Variants in GOT2 observed in about 807,000 individuals in gnomAD.
GOT2 encodes the protein aspartate aminotransferase, mitochondrial.
Under a neutral mutation model 50.0 loss-of-function variants are expected in GOT2, and 17 were observed. The observed-to-expected ratio is 0.34, with a 90% CI of 0.23 to 0.51. The LOEUF (loss-of-function observed/expected upper bound fraction) is 0.51. Ranked by LOEUF, GOT2 falls within the 20% of genes least tolerant of loss-of-function variation. The pLI is 0.97. For synonymous variants in GOT2, 172 were observed against 204.9 expected, an observed-to-expected ratio of 0.84 and a Z score of 1.37; for missense variants, 430 against 559.6, an observed-to-expected ratio of 0.77 and a Z score of 2.34.
At chr16:58,719,587 G>C (rs772110684) in intron 3 of GOT2, among the ~76,000 whole-genome samples, 7 of 152,020 alleles carry the variant, frequency 4.6e-5, no homozygotes, top group African/African-American at 4.8e-5. Context: ...GCGAGACCCT[G>C]TCTCTACTAA....
intron 8 of GOT2, among the ~76,000 whole-genome samples, chr16:58,711,759 C>T (rs541798420): frequency 7.2e-5 from 11 of 152,264 alleles, no homozygotes; most frequent in African/African-American, 2.6e-4. Context: ...CAGTTTCCAT[C>T]GTCCAGCTTC....
At chr16:58,715,972 G>C in intron 8 of GOT2, 42 bp downstream of exon 8, 1 of 1,511,908 alleles carries the variant, frequency 6.6e-7, no homozygotes. Flanking sequence ...AGGAGCAGTG[G>C]TGGGAACAGG....
intron 1 of GOT2, among the ~76,000 whole-genome samples, chr16:58,729,062 C>T (rs1053463677): frequency 6.6e-6 from 1 of 151,968 alleles, no homozygotes; most frequent in Non-Finnish European, 1.5e-5. Context: ...ACCCTTCCCC[C>T]TCACTAGTGT....
intron 1 of GOT2, among the ~76,000 whole-genome samples, chr16:58,724,716 T>A (rs1346252200): frequency 6.6e-6 from 1 of 152,128 alleles, no homozygotes; most frequent in Non-Finnish European, 1.5e-5. Flanking sequence ...AATTTTTGTA[T>A]TTTTGGTAGA....
intron 2 of GOT2, among the ~76,000 whole-genome samples, chr16:58,723,146 T>G (rs1329040847): frequency 1.3e-5 from 2 of 152,206 alleles, no homozygotes; most frequent in Non-Finnish European, 1.5e-5. Flanking sequence ...AATGAGGGAA[T>G]GTACAATAGT....
chr16:58,708,429 G>C, intron 9 of GOT2, 136 bp from the exon 10 acceptor site: 1 of 801,992 alleles, frequency 1.2e-6, no homozygotes, highest in Non-Finnish European at 1.9e-6. Flanking sequence ...TGTTAGCTTG[G>C]AATAAAATAA....
At chr16:58,715,332 G>A (rs563156555) in intron 8 of GOT2, among the ~76,000 whole-genome samples, 11 of 152,262 alleles carry the variant, frequency 7.2e-5, no homozygotes, top group African/African-American at 1.4e-4. Context: ...TACTTAACAC[G>A]GAGATGACGG....
Position 58,734,157 on chromosome 16 carries a change from CGCGGCGGCGAGGCCCGGGTGGAAGGCG to C in GOT2, c.45_71del (p.Phe17_Ala25del). On this transcript the variant is annotated inframe_deletion, in exon 1 of 10. Coordinates refer to ENST00000245206, the MANE Select transcript of GOT2 (RefSeq NM_002080.4). ...TGGCTTACCTGGCTCTGGCAGAGGCCGCGGCGGCGAGGCCCGGGTGGAAGGCGGCGGCGATCCCGGGGAGGACGCGGC... is the reference window on the plus strand; with the variant it reads ...TGGCTTACCTGGCTCTGGCAGAGGCCGCGGCGATCCCGGGGAGGACGCGGC... 1 of 1,333,660 alleles carries C rather than the reference CGCGGCGGCGAGGCCCGGGTGGAAGGCG, an allele frequency of 7.5e-7. No homozygotes were observed. The highest frequency in any genetic ancestry group is 2.8e-5 in the East Asian group (1 of 36,008). 82.6% of individuals were successfully genotyped at this position (1,333,660 alleles called of 1,614,324 possible).
In GOT2 at chr16:58,730,647, G is replaced by A. The variant is rs117012453; in HGVS notation, c.89+3493C>T. On this transcript the variant is annotated intron_variant, in intron 1 of 9. Coordinates refer to ENST00000245206, the MANE Select transcript of GOT2 (RefSeq NM_002080.4). ...CCCAAAGTGCTGAGATTACAGGTGTGAGCCACGGCACCTGGCCTAGAGGGA... is the reference window on the plus strand; with the variant it reads ...CCCAAAGTGCTGAGATTACAGGTGTAAGCCACGGCACCTGGCCTAGAGGGA... Among the ~76,000 whole-genome samples the A allele has an allele frequency of 7.0e-4, 107 of 152,256 alleles. 1 individual carries two copies. In the East Asian group the frequency reaches 0.013, roughly 18 times the overall value.
Position 58,723,855 on chromosome 16 carries a change from C to T in GOT2, c.137G>A (p.Gly46Glu), listed in dbSNP as rs1453656777. 6.2e-7 allele frequency: 1 copy of T among 1,613,508 alleles called. No individual in the cohort carries two copies. The highest frequency in any genetic ancestry group is 8.5e-7 in the Non-Finnish European group (1 of 1,179,460). The change falls in exon 2 of 10, where the codon GGA becomes GAA. Residue 46 changes from glycine (G) to glutamate (E), a missense_variant. Gly to Glu is a moderately conservative substitution (Grantham distance 98). Transcript: ENST00000245206. The stretch of plus-strand genomic sequence containing the variant: ...GTCCCTCTTAAAGGCTTCAGTGACT[C>T]CCAGAATGGGATCTGGAGGTCCCAT... ...VEMGPPDPIL[G>E]VTEAFKRDTN...
chr16:58,718,659 G>C lies in GOT2; in HGVS notation c.465C>G (p.Val155=), dbSNP rs1597701193. 1.9e-6 allele frequency: 3 copies of C among 1,589,776 alleles called. No homozygotes were observed. The change falls in exon 5 of 10, where the codon GTC becomes GTG. Residue 155 remains valine, a synonymous_variant. Coordinates refer to ENST00000245206, the MANE Select transcript of GOT2 (RefSeq NM_002080.4). ...TTCCCCAGGTTGGTTTGGGCAGAAAGACATCTCGGCTGAACTTAAAAAATC... is the reference window on the plus strand; with the variant it reads ...TTCCCCAGGTTGGTTTGGGCAGAAACACATCTCGGCTGAACTTAAAAAATC... ...LQRFFKFSRD[V]FLPKPTWGNH...
At chr16:58,719,476 G>A (rs927554845) in intron 3 of GOT2, among the ~76,000 whole-genome samples, 6 of 152,212 alleles carry the variant, frequency 3.9e-5, no homozygotes, top group Admixed American at 6.5e-5. Flanking sequence ...GACACTGAGA[G>A]GCTGGGTGCG....
intron 9 of GOT2, 143 bp downstream of exon 9, chr16:58,709,274 A>C (rs1160936629): frequency 1.4e-6 from 1 of 728,822 alleles, no homozygotes; most frequent in African/African-American, 3.1e-5. Flanking sequence ...ACAAAAACAA[A>C]AACAAAAACA....
At chr16:58,727,105 G>C (rs1434281510) in intron 1 of GOT2, among the ~76,000 whole-genome samples, 1 of 152,118 alleles carries the variant, frequency 6.6e-6, no homozygotes, top group Non-Finnish European at 1.5e-5. Flanking sequence ...AGTGAGCCGA[G>C]AATGCACCAC....
intron 1 of GOT2, among the ~76,000 whole-genome samples, chr16:58,724,795 C>T (rs913646692): frequency 2.0e-5 from 3 of 152,156 alleles, no homozygotes; most frequent in Admixed American, 6.5e-5. Context: ...CTCGCCTTGG[C>T]CTCCCAAAGT....
intron 1 of GOT2, among the ~76,000 whole-genome samples, chr16:58,729,991 T>C (rs1426719285): frequency 6.6e-6 from 1 of 152,148 alleles, no homozygotes; most frequent in African/African-American, 2.4e-5. Context: ...GAAAATGAAG[T>C]ACAGATTAAA....
intron 8 of GOT2, among the ~76,000 whole-genome samples, chr16:58,710,716 CTAAAAATA>C (rs2044639833): frequency 6.8e-6 from 1 of 145,988 alleles, no homozygotes; most frequent in African/African-American, 2.5e-5. Context: ...CCCGTCTCTA[CTAAAAATA>C]CAAAAAAATT....
chr16:58,716,572 ACAC>A, intron 7 of GOT2, 88 bp downstream of exon 7: 2 of 1,044,336 alleles, frequency 1.9e-6, no homozygotes, highest in South Asian at 1.5e-5. Flanking sequence ...ACACACACAC[ACAC>A]ACACACACAC....
intron 3 of GOT2, among the ~76,000 whole-genome samples, chr16:58,720,948 A>G (rs1268242104): frequency 6.6e-6 from 1 of 152,184 alleles, no homozygotes; most frequent in African/African-American, 2.4e-5. Flanking sequence ...TTTCATACTT[A>G]GGTTGTTATT....
Sources: gnomAD v4.1 joint callset for allele counts (sites outside exome capture counted in the v4.1 genomes callset) on GRCh38, gnomAD v4.1.1 for gene constraint, MANE v1.5 for transcripts, NCBI Gene and HGNC (gene_info 2026-07-23, HGNC 2026-07-21) for gene names.